Variants in FCHSD2 observed in about 807,000 individuals in gnomAD.
The protein encoded by FCHSD2 is FCH and double SH3 domains 2.
In FCHSD2, 38 loss-of-function variants were observed where a neutral mutation model predicts 108.1. That is an observed-to-expected ratio of 0.35 (90% CI 0.27 to 0.46). FCHSD2 has a LOEUF of 0.46. FCHSD2 is among the 20% of genes least tolerant of loss of function. The pLI is 1.00. For missense variants in FCHSD2, 751 were observed against 897.8 expected, an observed-to-expected ratio of 0.84 and a Z score of 2.09; for synonymous variants, 279 against 314.7, an observed-to-expected ratio of 0.89 and a Z score of 1.20.
At chr11:73,096,601 T>C (rs528146605) in intron 2 of FCHSD2, among the ~76,000 whole-genome samples, 34 of 152,058 alleles carry the variant, frequency 2.2e-4, no homozygotes, top group Middle Eastern at 3.4e-3. Context: ...CACTTCCAGA[T>C]AGAATTATAG....
At chr11:73,068,605 T>C (rs1052965034) in intron 3 of FCHSD2, among the ~76,000 whole-genome samples, 3 of 152,072 alleles carry the variant, frequency 2.0e-5, no homozygotes, top group Non-Finnish European at 2.9e-5. Context: ...TCAGTTTTTA[T>C]ACAGTTAACA....
At chr11:73,108,405 C>T (rs1860397810) in intron 2 of FCHSD2, among the ~76,000 whole-genome samples, 1 of 152,228 alleles carries the variant, frequency 6.6e-6, no homozygotes, top group South Asian at 2.1e-4. Flanking sequence ...AGCTTTTTCA[C>T]TTCATGTAAT....
rs1224971046 is a variant in FCHSD2 at position 73,042,240 on chromosome 11, C to CGTT, written c.166-26356_166-26355insAAC. Among the ~76,000 whole-genome samples the CGTT allele has an allele frequency of 3.5e-3, 530 of 152,178 alleles. 1 individual carries two copies. Among genetic ancestry groups the CGTT allele is most frequent in the African/African-American group, 0.012 (508 of 41,540 alleles). On this transcript the variant is annotated intron_variant, in intron 3 of 19. Coordinates refer to ENST00000409418, the MANE Select transcript of FCHSD2 (RefSeq NM_014824.3). ...GCACCCGGCTGAGATTATTTTTAAA[C>CGTT]TCTGGTGAAAGACAGGGGTCATTCT...
At chr11:73,098,339 C>A (rs1403549448) in intron 2 of FCHSD2, among the ~76,000 whole-genome samples, 1 of 152,168 alleles carries the variant, frequency 6.6e-6, no homozygotes, top group Admixed American at 6.5e-5. Flanking sequence ...TTAATTTCTA[C>A]ATATTTGCAT....
intron 16 of FCHSD2, 51 bp downstream of exon 16, chr11:72,843,100 C>T (rs1217031960): frequency 2.6e-6 from 4 of 1,565,032 alleles, no homozygotes; most frequent in Admixed American, 1.7e-5. Flanking sequence ...CAGGGCAATA[C>T]AGTTTAGGTC....
In FCHSD2 at chr11:72,980,677, A is replaced by ATATATATATATATATATAATGTGTGTGTG. The variant is rs1412900717; in HGVS notation, c.705+3410_705+3411insCACACACACATTATATATATATATATATA. ...TATGTATGTGTATGTGTGTGTGTGTATATATATATATATATATATAATGTA... is the reference window on the plus strand; with the variant it reads ...TATGTATGTGTATGTGTGTGTGTGTATATATATATATATATATAATGTGTGTGTGTATATATATATATATATATAATGTA... On this transcript the variant is annotated intron_variant, in intron 8 of 19. Transcript: ENST00000409418. Among the ~76,000 whole-genome samples, 220 of 29,856 alleles carry ATATATATATATATATATAATGTGTGTGTG rather than the reference A, an allele frequency of 7.4e-3. 1 individual carries two copies. Among genetic ancestry groups the ATATATATATATATATATAATGTGTGTGTG allele is most frequent in the African/African-American group, 0.024 (205 of 8,542 alleles). The allele number at this position is 29,856 out of a possible 152,430, so 19.6% of individuals were successfully genotyped here.
chr11:73,083,217 T>C (rs1471668921), intron 3 of FCHSD2, among the ~76,000 whole-genome samples: 1 of 152,184 alleles, frequency 6.6e-6, no homozygotes, highest in East Asian at 1.9e-4. Flanking sequence ...TTTATAATGA[T>C]TCAAAGGCAG....
At chr11:72,851,361 C>T (rs553076874) in intron 13 of FCHSD2, among the ~76,000 whole-genome samples, 7 of 152,218 alleles carry the variant, frequency 4.6e-5, no homozygotes, top group South Asian at 2.1e-4. Flanking sequence ...ACAAACGCCT[C>T]GACACAATCT....
intron 8 of FCHSD2, among the ~76,000 whole-genome samples, chr11:72,969,024 T>A (rs1856963522): frequency 6.6e-6 from 1 of 152,254 alleles, no homozygotes; most frequent in Admixed American, 6.5e-5. Flanking sequence ...CATATATACA[T>A]ATGCTACTAC....
chr11:72,918,206 T>C (rs1855914403), intron 9 of FCHSD2, among the ~76,000 whole-genome samples: 1 of 152,196 alleles, frequency 6.6e-6, no homozygotes, highest in African/African-American at 2.4e-5. Flanking sequence ...CATTCATTGA[T>C]GGAATATAGA....
intron 17 of FCHSD2, among the ~76,000 whole-genome samples, chr11:72,842,404 A>C (rs1016419944): frequency 1.3e-5 from 2 of 152,234 alleles, no homozygotes; most frequent in Non-Finnish European, 2.9e-5. Flanking sequence ...GAAGAGAGAG[A>C]ATGTGGGAAG....
At chr11:73,033,282 C>T (rs964708946) in intron 3 of FCHSD2, among the ~76,000 whole-genome samples, 5 of 138,512 alleles carry the variant, frequency 3.6e-5, no homozygotes, top group East Asian at 2.0e-4. Flanking sequence ...AGCGAGATTC[C>T]GACTCAAAAA....
At chr11:72,999,521 T>C (rs1370737040) in intron 5 of FCHSD2, among the ~76,000 whole-genome samples, 1 of 151,986 alleles carries the variant, frequency 6.6e-6, no homozygotes, top group Non-Finnish European at 1.5e-5. Context: ...GGTTTCACCA[T>C]ATTGGTCAGG....
intron 12 of FCHSD2, 33 bp downstream of exon 12, chr11:72,887,437 T>C (rs1020506107): frequency 5.0e-6 from 7 of 1,404,246 alleles, no homozygotes; most frequent in Non-Finnish European, 7.0e-6. Flanking sequence ...TCATTAGACC[T>C]GGGCAAAATG....
Position 72,924,287 on chromosome 11 carries a change from C to CT in FCHSD2, c.706-2338dup, listed in dbSNP as rs540294924. Among the ~76,000 whole-genome samples the CT allele has an allele frequency of 3.1e-3, 474 of 151,694 alleles. 2 individuals carry two copies. The highest frequency in any genetic ancestry group is 5.3e-3 in the Non-Finnish European group (360 of 67,844). ...CAGTCTAATTTAGCTATTTTTCTTT[C>CT]TTTTTTTTGAGACAGAGTCTTGCTC... On this transcript the variant is annotated intron_variant, in intron 8 of 19. Coordinates refer to ENST00000409418, the MANE Select transcript of FCHSD2 (RefSeq NM_014824.3).
chr11:72,867,333 A>C (rs796961859), intron 13 of FCHSD2, among the ~76,000 whole-genome samples: 7 of 152,346 alleles, frequency 4.6e-5, no homozygotes, highest in African/African-American at 1.7e-4. Flanking sequence ...ACTTGAAGTA[A>C]GGAGACTTAA....
At chr11:73,026,798 A>G (rs1419603082) in intron 3 of FCHSD2, among the ~76,000 whole-genome samples, 1 of 152,186 alleles carries the variant, frequency 6.6e-6, no homozygotes, top group African/African-American at 2.4e-5. Flanking sequence ...TTCTCATGAC[A>G]GCAAGTGAGT....
chr11:72,903,884 C>T (rs1028445680), intron 9 of FCHSD2, among the ~76,000 whole-genome samples: 118 of 152,272 alleles, frequency 7.7e-4, no homozygotes, highest in African/African-American at 2.8e-3. Flanking sequence ...TTCTCTACTG[C>T]TTCCCTCCCC....
intron 3 of FCHSD2, among the ~76,000 whole-genome samples, chr11:73,067,826 A>T (rs1027930806): frequency 9.9e-5 from 15 of 152,238 alleles, no homozygotes; most frequent in African/African-American, 2.7e-4. Context: ...GACCTTTATG[A>T]GGTACCTGCA....
Sources: gnomAD v4.1 joint callset for allele counts (sites outside exome capture counted in the v4.1 genomes callset) on GRCh38, gnomAD v4.1.1 for gene constraint, MANE v1.5 for transcripts, NCBI Gene and HGNC (gene_info 2026-07-23, HGNC 2026-07-21) for gene names.